Variants in PRKN observed in about 807,000 individuals in gnomAD.
PRKN encodes the protein parkin RBR E3 ubiquitin protein ligase.
Under a neutral mutation model 59.5 loss-of-function variants are expected in PRKN, and 56 were observed. That is an observed-to-expected ratio of 0.94 (90% CI 0.76 to 1.18). The LOEUF (loss-of-function observed/expected upper bound fraction) is 1.18. Among genes scored for constraint, PRKN ranks in the 50% most tolerant of loss-of-function variants. PRKN has a pLI of 0.00. For synonymous variants in PRKN, 250 were observed against 222.1 expected, an observed-to-expected ratio of 1.13 and a Z score of -1.12; for missense variants, 657 against 596.4, an observed-to-expected ratio of 1.10 and a Z score of -1.06.
chr6:161,774,475 G>A (rs1479523338), intron 7 of PRKN, among the ~76,000 whole-genome samples: 2 of 151,654 alleles, frequency 1.3e-5, no homozygotes, highest in Non-Finnish European at 2.9e-5. Flanking sequence ...TCTGGTACAA[G>A]GAACGTGGAA....
Position 161,395,024 on chromosome 6 carries a change from T to C in PRKN, c.1084-8147A>G, listed in dbSNP as rs1236221527. ...TCATGGATTTTTAAAAAGTAGGTAT[T>C]CTTTGAATGCAAAATATGTGCAGGT... On this transcript the variant is annotated intron_variant, in intron 9 of 11. Coordinates refer to ENST00000366898, the MANE Select transcript of PRKN (RefSeq NM_004562.3). The surrounding 1 kb of genome is among the most constrained non-coding windows in gnomAD (Gnocchi z 5.0). 6.6e-6 allele frequency among the ~76,000 whole-genome samples: 1 copy of C among 152,186 alleles called. No homozygotes were observed. Among genetic ancestry groups the C allele is most frequent in the African/African-American group, 2.4e-5 (1 of 41,428 alleles).
At chr6:161,779,909 C>A (rs573407131) in intron 7 of PRKN, among the ~76,000 whole-genome samples, 2 of 152,104 alleles carry the variant, frequency 1.3e-5, no homozygotes, top group African/African-American at 4.8e-5. Flanking sequence ...CCAATCCCAA[C>A]CTACAATGAA....
chr6:162,587,518 T>C (rs1288670122), intron 1 of PRKN, among the ~76,000 whole-genome samples: 3 of 152,132 alleles, frequency 2.0e-5, no homozygotes, highest in Non-Finnish European at 2.9e-5. Context: ...GTAGCAACTA[T>C]CAAAAATAAA....
intron 1 of PRKN, among the ~76,000 whole-genome samples, chr6:162,519,206 G>A (rs7757630): frequency 0.089 from 13,599 of 152,126 alleles, 660 homozygotes; most frequent in South Asian, 0.17. Context: ...TGGCAATAAG[G>A]GAGGGTCAGT....
At chr6:162,016,014 C>A (rs1043010455) in intron 5 of PRKN, among the ~76,000 whole-genome samples, 16 of 152,022 alleles carry the variant, frequency 1.1e-4, no homozygotes, top group African/African-American at 3.9e-4. Flanking sequence ...TGGAAAAGAA[C>A]AGTTCAAAAC....
chr6:162,078,808 C>T lies in PRKN; in HGVS notation c.535-24634G>A, dbSNP rs1335799793. 2.0e-5 allele frequency among the ~76,000 whole-genome samples: 3 copies of T among 151,914 alleles called. No homozygotes were observed. In the South Asian group the frequency reaches 6.2e-4, roughly 32 times the overall value. On this transcript the variant is annotated intron_variant, in intron 4 of 11. Coordinates refer to ENST00000366898, the MANE Select transcript of PRKN (RefSeq NM_004562.3). ...TGTGAATAAGATAGGGACATCACAA[C>T]TCGGAGCCATTAAATGAAAAGAATA... is the stretch of plus-strand genomic sequence containing the variant.
In PRKN at chr6:161,918,178, C is replaced by T. The variant is rs114217601; in HGVS notation, c.734+55124G>A. 4.4e-3 allele frequency among the ~76,000 whole-genome samples: 664 copies of T among 152,304 alleles called. 5 individuals are homozygous for T. Among genetic ancestry groups the T allele is most frequent in the African/African-American group, 0.015 (632 of 41,564 alleles). ...TAAGGAATAAAGCACAACAACAGTA[C>T]ATTGTGACCTGGGCTCATGGGTAAT... On this transcript the variant is annotated intron_variant, in intron 6 of 11. Coordinates refer to ENST00000366898, the MANE Select transcript of PRKN (RefSeq NM_004562.3).
intron 1 of PRKN, among the ~76,000 whole-genome samples, chr6:162,707,306 C>T (rs1030224983): frequency 6.6e-6 from 1 of 152,032 alleles, no homozygotes; most frequent in Non-Finnish European, 1.5e-5. Context: ...ATTAGGCATC[C>T]AACTTAACCT....
chr6:162,664,865 G>A (rs1779035486), intron 1 of PRKN, among the ~76,000 whole-genome samples: 1 of 151,982 alleles, frequency 6.6e-6, no homozygotes, highest in African/African-American at 2.4e-5. Context: ...TTCTTTTGCT[G>A]TGCAGAAGCT....
At chr6:161,907,567 G>C (rs1356758733) in intron 6 of PRKN, among the ~76,000 whole-genome samples, 1 of 152,106 alleles carries the variant, frequency 6.6e-6, no homozygotes, top group Non-Finnish European at 1.5e-5. Flanking sequence ...CCTACTGCTT[G>C]AAATAAAACT....
intron 2 of PRKN, among the ~76,000 whole-genome samples, chr6:162,287,900 G>A (rs759126088): frequency 5.9e-5 from 9 of 152,150 alleles, no homozygotes; most frequent in South Asian, 2.1e-4. Flanking sequence ...CACCCGAGGC[G>A]TGACTAACCC....
intron 7 of PRKN, among the ~76,000 whole-genome samples, chr6:161,755,607 T>G (rs1788883382): frequency 6.6e-6 from 1 of 151,958 alleles, no homozygotes; most frequent in Admixed American, 6.6e-5. Context: ...GAATTGAAAT[T>G]ATGATGATGA....
chr6:161,681,050 G>T (rs150607818), intron 7 of PRKN, among the ~76,000 whole-genome samples: 2 of 151,858 alleles, frequency 1.3e-5, no homozygotes, highest in Admixed American at 6.6e-5. Flanking sequence ...AACCTCTACC[G>T]CCTGGGCTCA....
chr6:161,532,162 CTCTCTATATATA>C (rs746061450), intron 9 of PRKN, among the ~76,000 whole-genome samples: 18,227 of 83,322 alleles, frequency 0.22, 1,080 homozygotes, highest in African/African-American at 0.24. Flanking sequence ...CTCTCTCTCT[CTCTCTATATATA>C]TATATATATA....
At chr6:162,030,159 T>C (rs1199105993) in intron 5 of PRKN, among the ~76,000 whole-genome samples, 1 of 152,132 alleles carries the variant, frequency 6.6e-6, no homozygotes, top group African/African-American at 2.4e-5. Flanking sequence ...TTCTGTTCCA[T>C]GTTTTTCTCA....
intron 1 of PRKN, among the ~76,000 whole-genome samples, chr6:162,514,214 C>A (rs1777749237): frequency 6.6e-6 from 1 of 151,774 alleles, no homozygotes; most frequent in South Asian, 2.1e-4. Context: ...AGACTAATTT[C>A]TTCTCTTTCA....
intron 1 of PRKN, among the ~76,000 whole-genome samples, chr6:162,628,502 T>C (rs1420756406): frequency 6.6e-6 from 1 of 152,086 alleles, no homozygotes; most frequent in Non-Finnish European, 1.5e-5. Flanking sequence ...CAGGAAATGA[T>C]GGAGTAGAAA....
intron 6 of PRKN, among the ~76,000 whole-genome samples, chr6:161,811,361 A>G (rs1267913416): frequency 6.6e-6 from 1 of 152,170 alleles, no homozygotes. Context: ...TTTAGACATC[A>G]TCATATACAG....
intron 1 of PRKN, among the ~76,000 whole-genome samples, chr6:162,539,749 T>C (rs976475205): frequency 2.6e-5 from 4 of 152,322 alleles, no homozygotes; most frequent in African/African-American, 9.6e-5. Flanking sequence ...ACACTGAATT[T>C]TGCAGCTATG....
Sources: gnomAD v4.1 joint callset for allele counts (sites outside exome capture counted in the v4.1 genomes callset) on GRCh38, gnomAD v4.1.1 for gene constraint, Gnocchi (gnomAD v3.1) non-coding constraint, MANE v1.5 for transcripts, NCBI Gene and HGNC (gene_info 2026-07-23, HGNC 2026-07-21) for gene names.